Variants in GRK5 observed in about 807,000 individuals in gnomAD.
GRK5 encodes g protein-coupled receptor kinase GRK5.
Under a neutral mutation model 78.4 loss-of-function variants are expected in GRK5, and 40 were observed. The ratio of observed to expected loss-of-function variants is 0.51; its 90% CI spans 0.40 to 0.66. The LOEUF is 0.66. Ranked by LOEUF, GRK5 falls within the 30% of genes least tolerant of loss-of-function variation. The pLI is 0.00. For synonymous variants in GRK5, 289 were observed against 296.8 expected, an observed-to-expected ratio of 0.97 and a Z score of 0.27; for missense variants, 598 against 759.9, an observed-to-expected ratio of 0.79 and a Z score of 2.50.
At chr10:119,293,788 G>A (rs754925427) in intron 1 of GRK5, among the ~76,000 whole-genome samples, 3 of 152,144 alleles carry the variant, frequency 2.0e-5, no homozygotes, top group South Asian at 2.1e-4. Context: ...TGCTGCCATC[G>A]CCTCGGGGTG....
At chr10:119,231,225 GAAAAAAACATTCCTATTA>G (rs1848823479) in intron 1 of GRK5, among the ~76,000 whole-genome samples, 1 of 151,748 alleles carries the variant, frequency 6.6e-6, no homozygotes, top group South Asian at 2.1e-4. Flanking sequence ...ATCTCAACAG[GAAAAAAACATTCCTATTA>G]AAAAATGGGC....
At chr10:119,299,658 C>T (rs1850141673) in intron 1 of GRK5, among the ~76,000 whole-genome samples, 1 of 152,092 alleles carries the variant, frequency 6.6e-6, no homozygotes, top group Admixed American at 6.5e-5. Context: ...AGTGCAAGGC[C>T]TCATTTTCTG....
chr10:119,359,351 G>A (rs931292160), intron 2 of GRK5, among the ~76,000 whole-genome samples: 1 of 152,194 alleles, frequency 6.6e-6, no homozygotes, highest in Non-Finnish European at 1.5e-5. Flanking sequence ...TGTTTTCCAG[G>A]AGCCACTTTC....
chr10:119,436,838 A>G lies in GRK5; in HGVS notation c.926A>G (p.Tyr309Cys). Residue 309 changes from tyrosine (Y) to cysteine (C), a missense_variant, in exon 9 of 16, where the codon TAC (tyrosine) becomes TGC (cysteine). By Grantham distance (194) the Tyr-to-Cys change is radical. Transcript: ENST00000392870. ...GACCTCCACCGTGAGAACACCGTCTACCGGTGAGTGGAAGGCACCAAGGAC... is the reference window on the plus strand; with the variant it reads ...GACCTCCACCGTGAGAACACCGTCTGCCGGTGAGTGGAAGGCACCAAGGAC... ...LEDLHRENTV[Y>C]RDLKPENILL... 1 of 1,595,282 alleles carries G rather than the reference A, an allele frequency of 6.3e-7. No homozygotes were observed.
chr10:119,289,020 T>C (rs1220013421), intron 1 of GRK5, among the ~76,000 whole-genome samples: 1 of 152,186 alleles, frequency 6.6e-6, no homozygotes, highest in Non-Finnish European at 1.5e-5. Context: ...CTTTTCCCCC[T>C]CTGACCTTAA....
intron 2 of GRK5, among the ~76,000 whole-genome samples, chr10:119,344,795 G>A (rs1021845460): frequency 3.3e-5 from 5 of 152,134 alleles, no homozygotes; most frequent in African/African-American, 1.2e-4. Flanking sequence ...CAGAATGTGC[G>A]TGTGGGGTGC....
chr10:119,346,267 G>A (rs1351115362), intron 2 of GRK5, among the ~76,000 whole-genome samples: 1 of 152,334 alleles, frequency 6.6e-6, no homozygotes, highest in Admixed American at 6.5e-5. Flanking sequence ...GGGCCGAGGA[G>A]AGGTCCCCCG....
chr10:119,272,567 T>G (rs7912250), intron 1 of GRK5, among the ~76,000 whole-genome samples: 23,402 of 112,060 alleles, frequency 0.21, 2,086 homozygotes, highest in African/African-American at 0.29. Flanking sequence ...CAGAGCAAGA[T>G]TCTATCTCAA....
intron 2 of GRK5, among the ~76,000 whole-genome samples, chr10:119,346,147 T>G (rs930052543): frequency 2.6e-5 from 4 of 152,198 alleles, no homozygotes; most frequent in African/African-American, 9.7e-5. Context: ...CCTGTTACAA[T>G]GCCTGGGCTC....
chr10:119,288,843 G>A (rs1253205948), intron 1 of GRK5, among the ~76,000 whole-genome samples: 2 of 152,220 alleles, frequency 1.3e-5, no homozygotes, highest in African/African-American at 4.8e-5. Context: ...ATCCAGAGGC[G>A]AATGCGGAAC....
intron 4 of GRK5, among the ~76,000 whole-genome samples, chr10:119,414,677 G>A (rs568448799): frequency 2.3e-4 from 35 of 152,284 alleles, no homozygotes; most frequent in Admixed American, 5.9e-4. Flanking sequence ...CTATTTCTGC[G>A]CCTGTGAAGT....
intron 8 of GRK5, among the ~76,000 whole-genome samples, chr10:119,432,330 C>A (rs1404094259): frequency 6.6e-6 from 1 of 151,990 alleles, no homozygotes; most frequent in African/African-American, 2.4e-5. Flanking sequence ...TGCTTGTAGT[C>A]CCAGCTACTC....
chr10:119,356,714 G>GAAC (rs1024284842), intron 2 of GRK5, among the ~76,000 whole-genome samples: 6 of 152,122 alleles, frequency 3.9e-5, no homozygotes, highest in Admixed American at 1.3e-4. Context: ...TAGAGAAGAT[G>GAAC]AACAACAACA....
chr10:119,274,393 C>T (rs1052157255), intron 1 of GRK5, among the ~76,000 whole-genome samples: 1 of 152,170 alleles, frequency 6.6e-6, no homozygotes, highest in Admixed American at 6.5e-5. Flanking sequence ...AGCGCACTGG[C>T]GAGAGGCGTA....
At chr10:119,444,385 TGGGGGATATGGGAGTGGA>T (rs1853102045) in intron 12 of GRK5, among the ~76,000 whole-genome samples, 1 of 151,934 alleles carries the variant, frequency 6.6e-6, no homozygotes, top group African/African-American at 2.4e-5. Context: ...CCATTGGAAG[TGGGGGATATGGGAGTGGA>T]GTCCGCCCGT....
chr10:119,223,705 A>AAT (rs978518036), intron 1 of GRK5, among the ~76,000 whole-genome samples: 26 of 148,244 alleles, frequency 1.8e-4, no homozygotes, highest in South Asian at 6.3e-4. Flanking sequence ...TATCTATAAT[A>AAT]ATATATATAT....
At chr10:119,245,487 C>G (rs1051349090) in intron 1 of GRK5, among the ~76,000 whole-genome samples, 1 of 152,138 alleles carries the variant, frequency 6.6e-6, no homozygotes, top group Admixed American at 6.5e-5. Context: ...CATGTATGAA[C>G]TTGTAGGACA....
chr10:119,316,751 C>G (rs924452109), intron 1 of GRK5, among the ~76,000 whole-genome samples: 2 of 152,174 alleles, frequency 1.3e-5, no homozygotes, highest in African/African-American at 4.8e-5. Flanking sequence ...GTGTGATTAC[C>G]AGGAAGCTCA....
chr10:119,404,900 T>C (rs1355942183), intron 4 of GRK5, among the ~76,000 whole-genome samples: 1 of 152,156 alleles, frequency 6.6e-6, no homozygotes, highest in African/African-American at 2.4e-5. Context: ...ATTTTACAGA[T>C]CAGGTAACTG....
Sources: allele counts gnomAD v4.1 joint callset (sites outside exome capture counted in the v4.1 genomes callset), GRCh38; gene constraint gnomAD v4.1.1; transcripts MANE v1.5; gene names NCBI Gene and HGNC (gene_info 2026-07-23, HGNC 2026-07-21).